Variants in LARGE1 observed in about 807,000 individuals in gnomAD.
LARGE1 encodes the protein xylosyl- and glucuronyltransferase LARGE1.
A neutral mutation model predicts 87.6 loss-of-function variants in LARGE1; 43 were observed. The ratio of observed to expected loss-of-function variants is 0.49; its 90% confidence interval spans 0.38 to 0.63. LARGE1 has a LOEUF of 0.63. LARGE1 is among the 30% of genes least tolerant of loss of function. The pLI is 0.00. For synonymous variants in LARGE1, 434 were observed against 394.6 expected (o/e 1.10, Z -1.18); for missense variants, 802 against 1,000.2 (o/e 0.80, Z 2.67).
intron 1 of LARGE1, among the ~76,000 whole-genome samples, chr22:33,796,900 G>C (rs1208377442): frequency 6.6e-6 from 1 of 151,726 alleles, no homozygotes; most frequent in African/African-American, 2.4e-5. Flanking sequence ...GAGTAGCTGG[G>C]ATTACAGGGG....
At chr22:33,572,883 T>C (rs2078248300) in intron 5 of LARGE1, among the ~76,000 whole-genome samples, 1 of 151,456 alleles carries the variant, frequency 6.6e-6, no homozygotes, top group Non-Finnish European at 1.5e-5. Context: ...AAAAATTAAA[T>C]ACATAAAAAT....
At chr22:33,818,653 T>C (rs575711934) in intron 1 of LARGE1, among the ~76,000 whole-genome samples, 1 of 152,334 alleles carries the variant, frequency 6.6e-6, no homozygotes, top group Admixed American at 6.5e-5. Context: ...GGGCAGCCTC[T>C]CTGTATCCTG....
chr22:33,196,247 A>C (rs1156416686), intron 11 of LARGE1, among the ~76,000 whole-genome samples: 2 of 152,146 alleles, frequency 1.3e-5, no homozygotes, highest in Non-Finnish European at 2.9e-5. Context: ...TGAAATTGAT[A>C]AATTTCTAGC....
chr22:33,869,730 G>A (rs1226797577), intron 1 of LARGE1, among the ~76,000 whole-genome samples: 1 of 152,206 alleles, frequency 6.6e-6, no homozygotes, highest in African/African-American at 2.4e-5. Flanking sequence ...TTTCAGAGAT[G>A]AGGCAATGCA....
exon 12 of LARGE1, chr22:33,166,432 A>G (rs1281725711): frequency 3.9e-6 from 1 of 257,264 alleles, no homozygotes; most frequent in Non-Finnish European, 7.7e-6. Context: ...CCTTAATCTT[A>G]CCACGGGGAT....
At chr22:33,134,218 T>G in the LARGE1 span, among the ~76,000 whole-genome samples, 1 of 151,716 alleles carries the variant, frequency 6.6e-6, no homozygotes, top group African/African-American at 2.4e-5. Flanking sequence ...AGGCTGTAAG[T>G]CTACCCATGT....
chr22:33,709,793 T>A (rs185588463), intron 2 of LARGE1, among the ~76,000 whole-genome samples: 1 of 151,748 alleles, frequency 6.6e-6, no homozygotes, highest in African/African-American at 2.4e-5. Context: ...GCCCAGCTAA[T>A]TTTTATATTT....
intron 1 of LARGE1, among the ~76,000 whole-genome samples, chr22:33,861,119 C>A (rs772976180): frequency 5.9e-5 from 9 of 152,184 alleles, no homozygotes; most frequent in Non-Finnish European, 1.2e-4. Flanking sequence ...TCCTCCTTTT[C>A]TTCCACCCCC....
chr22:33,775,478 C>A (rs2085203487), intron 1 of LARGE1, among the ~76,000 whole-genome samples: 1 of 150,108 alleles, frequency 6.7e-6, no homozygotes, highest in Non-Finnish European at 1.5e-5. Flanking sequence ...CCATGGGGAG[C>A]CTCTAAGTCA....
intron 6 of LARGE1, among the ~76,000 whole-genome samples, chr22:33,545,121 G>A (rs1411003211): frequency 6.6e-6 from 1 of 152,082 alleles, no homozygotes; most frequent in Non-Finnish European, 1.5e-5. Flanking sequence ...CACAGACATA[G>A]AAGAGACGAA....
At chr22:33,343,684 C>T (rs1352349703) in intron 9 of LARGE1, among the ~76,000 whole-genome samples, 2 of 152,044 alleles carry the variant, frequency 1.3e-5, no homozygotes, top group African/African-American at 4.8e-5. Context: ...TCAAAACAAC[C>T]TGGTATGGTG....
chr22:33,318,760 T>C (rs976766865), intron 10 of LARGE1, among the ~76,000 whole-genome samples: 9 of 151,732 alleles, frequency 5.9e-5, no homozygotes, highest in African/African-American at 2.2e-4. Flanking sequence ...AAAAAAATGA[T>C]AATTTGCCAA....
chr22:33,075,935 C>T, the LARGE1 span, among the ~76,000 whole-genome samples: 34 of 152,094 alleles, frequency 2.2e-4, no homozygotes, highest in African/African-American at 8.0e-4. Context: ...AGAATGATAA[C>T]ACGTTTACTG....
chr22:33,213,232 G>A (rs1417443172), intron 11 of LARGE1, among the ~76,000 whole-genome samples: 1 of 152,170 alleles, frequency 6.6e-6, no homozygotes, highest in Non-Finnish European at 1.5e-5. Context: ...TCATAATAAA[G>A]CTTGAATGGA....
At chr22:33,493,813 C>T (rs2069973566) in intron 6 of LARGE1, among the ~76,000 whole-genome samples, 1 of 152,148 alleles carries the variant, frequency 6.6e-6, no homozygotes, top group African/African-American at 2.4e-5. Context: ...CCTCTGTGGT[C>T]CACATCTGCA....
At chr22:33,712,765 C>T (rs2082775129) in intron 2 of LARGE1, among the ~76,000 whole-genome samples, 1 of 151,622 alleles carries the variant, frequency 6.6e-6, no homozygotes, top group Non-Finnish European at 1.5e-5. Context: ...AAAGCAGAGG[C>T]AACAACACAG....
At chr22:33,719,652 C>A (rs1255391316) in intron 2 of LARGE1, among the ~76,000 whole-genome samples, 1 of 152,028 alleles carries the variant, frequency 6.6e-6, no homozygotes, top group African/African-American at 2.4e-5. Flanking sequence ...TCCTGAGTAG[C>A]TGGGACTACA....
At chr22:33,312,731 T>C (rs1935741669) in intron 11 of LARGE1, among the ~76,000 whole-genome samples, 3 of 152,176 alleles carry the variant, frequency 2.0e-5, no homozygotes, top group Admixed American at 2.0e-4. Flanking sequence ...CTCACTTGCA[T>C]GGATTATAGT....
chr22:33,586,685 C>T (rs1290925344), intron 5 of LARGE1, among the ~76,000 whole-genome samples: 2 of 152,022 alleles, frequency 1.3e-5, no homozygotes, highest in African/African-American at 4.8e-5. Flanking sequence ...TCTCGATCTC[C>T]TGACCTCATG....
Sources: gnomAD v4.1 joint callset for allele counts (sites outside exome capture counted in the v4.1 genomes callset) on GRCh38, gnomAD v4.1.1 for gene constraint, MANE v1.5 for transcripts, NCBI Gene and HGNC (gene_info 2026-07-23, HGNC 2026-07-21) for gene names.